Variants in TSHZ2 observed in about 807,000 individuals in gnomAD.
The protein encoded by TSHZ2 is teashirt zinc finger homeobox 2.
A neutral mutation model predicts 74.4 loss-of-function variants in TSHZ2; 21 were observed. The observed-to-expected ratio is 0.28, with a 90% CI of 0.20 to 0.41. The LOEUF is 0.41. Among genes scored for constraint, TSHZ2 ranks in the 10% least tolerant of loss-of-function variants. The pLI is 1.00. For missense variants in TSHZ2, 1,244 were observed against 1,293.5 expected, an observed-to-expected ratio of 0.96 and a Z score of 0.59; for synonymous variants, 540 against 515.3, an observed-to-expected ratio of 1.05 and a Z score of -0.65.
At chr20:52,978,204 G>A (rs1981418371) in intron 1 of TSHZ2, among the ~76,000 whole-genome samples, 1 of 152,106 alleles carries the variant, frequency 6.6e-6, no homozygotes, top group African/African-American at 2.4e-5. Flanking sequence ...GAATTGTGCT[G>A]TCCATTGAAT....
At chr20:53,239,938 T>A (rs993514351) in intron 1 of TSHZ2, among the ~76,000 whole-genome samples, 3 of 152,112 alleles carry the variant, frequency 2.0e-5, no homozygotes, top group African/African-American at 7.2e-5. Flanking sequence ...AAATTAGATA[T>A]ATTATGAAGC....
At chr20:53,139,281 G>C (rs1987329456) in intron 1 of TSHZ2, among the ~76,000 whole-genome samples, 1 of 152,164 alleles carries the variant, frequency 6.6e-6, no homozygotes, top group Admixed American at 6.5e-5. Context: ...TGCTAGTACA[G>C]GGTCTGGTTT....
At position 53,284,994 on chromosome 20, in the gene TSHZ2, A is replaced by G. The variant is rs112385715; in HGVS notation, c.*8+28423A>G. ...GTCTGTCACGAGGGCCGGCGCTGCA[A>G]TTCGGATCCAGCTCCACGTTCTGAA... On this transcript the variant is annotated intron_variant, in intron 2 of 2. Transcript: ENST00000371497. Among the ~76,000 whole-genome samples, 834 of 152,282 alleles carry G rather than the reference A, an allele frequency of 5.5e-3. 5 individuals are homozygous for G. Among genetic ancestry groups the G allele is most frequent in the African/African-American group, 0.019 (799 of 41,550 alleles).
At chr20:53,051,165 TC>T (rs1352480467) in intron 1 of TSHZ2, among the ~76,000 whole-genome samples, 2 of 151,978 alleles carry the variant, frequency 1.3e-5, no homozygotes, top group East Asian at 3.9e-4. Context: ...ATGGTGAAAC[TC>T]CGTCTCCACT....
At chr20:53,389,636 T>C (rs1982177995) in intron 2 of TSHZ2, among the ~76,000 whole-genome samples, 1 of 152,216 alleles carries the variant, frequency 6.6e-6, no homozygotes, top group South Asian at 2.1e-4. Context: ...CAGGTGGCCA[T>C]GCTCTGCTGG....
chr20:53,456,520 T>C (rs1375137418), intron 2 of TSHZ2, among the ~76,000 whole-genome samples: 2 of 119,168 alleles, frequency 1.7e-5, no homozygotes, highest in Non-Finnish European at 3.4e-5. Flanking sequence ...CTGTTCACTC[T>C]GATGGTAGTT....
At chr20:53,206,605 T>C (rs1002507690) in intron 1 of TSHZ2, 1 of 152,244 alleles carries the variant, frequency 6.6e-6, no homozygotes, top group Non-Finnish European at 1.5e-5. Context: ...GTATACCCTC[T>C]GTGAATGTAA....
In TSHZ2 at chr20:53,254,287, T is replaced by C; in HGVS notation, c.829T>C (p.Cys277Arg). 1 of 1,614,146 alleles carries C rather than the reference T, an allele frequency of 6.2e-7. No individual in the cohort carries two copies. The highest frequency in any genetic ancestry group is 8.5e-7 in the Non-Finnish European group (1 of 1,180,018). Residue 277 changes from cysteine to arginine, a missense_variant, in exon 2 of 3, where the codon TGT (cysteine) becomes CGT (arginine). Around this residue, in one of 6 missense-constraint regions of TSHZ2, gnomAD observed 470 missense variants for 456.5 expected, o/e 1.03. Coordinates refer to ENST00000371497, the MANE Select transcript of TSHZ2 (RefSeq NM_173485.6). Reference protein sequence around the residue: ...DKEDAQKVLKCMFCGDSFDSL... With the variant: ...DKEDAQKVLKRMFCGDSFDSL... ...AGAGGATGCTCAAAAGGTTCTGAAATGTATGTTTTGTGGCGACTCCTTTGA... is the reference window on the plus strand; with the variant it reads ...AGAGGATGCTCAAAAGGTTCTGAAACGTATGTTTTGTGGCGACTCCTTTGA...
chr20:53,095,958 G>A (rs1986029747), intron 1 of TSHZ2, among the ~76,000 whole-genome samples: 2 of 152,132 alleles, frequency 1.3e-5, no homozygotes, highest in South Asian at 4.1e-4. Flanking sequence ...TCAGCATTGG[G>A]TTTGAAGCCT....
intron 2 of TSHZ2, among the ~76,000 whole-genome samples, chr20:53,298,908 C>G (rs1197814354): frequency 6.6e-6 from 1 of 152,250 alleles, no homozygotes; most frequent in Middle Eastern, 3.4e-3. Context: ...GAGAAGTGCT[C>G]TGGTAAAATA....
At chr20:53,323,334 C>T (rs1044162719) in intron 2 of TSHZ2, among the ~76,000 whole-genome samples, 2 of 152,058 alleles carry the variant, frequency 1.3e-5, no homozygotes, top group Non-Finnish European at 2.9e-5. Context: ...AAGGTGACAT[C>T]GATTTGCTAT....
intron 1 of TSHZ2, among the ~76,000 whole-genome samples, chr20:53,127,840 A>T (rs6126761): frequency 6.6e-6 from 1 of 152,238 alleles, no homozygotes; most frequent in Non-Finnish European, 1.5e-5. Context: ...AGGCAGAGGC[A>T]TGATTTGAAC....
intron 2 of TSHZ2, among the ~76,000 whole-genome samples, chr20:53,425,606 T>C (rs1352355642): frequency 6.6e-6 from 1 of 152,224 alleles, no homozygotes; most frequent in Non-Finnish European, 1.5e-5. Context: ...ACTTGTTCTC[T>C]AAAGAGCCAG....
intron 1 of TSHZ2, among the ~76,000 whole-genome samples, chr20:53,193,670 G>T (rs571547077): frequency 3.5e-4 from 54 of 152,270 alleles, no homozygotes; most frequent in Non-Finnish European, 2.5e-4. Flanking sequence ...TTCAGTGCTC[G>T]TACCACAGGA....
intron 1 of TSHZ2, among the ~76,000 whole-genome samples, chr20:53,079,464 G>A (rs1258591427): frequency 2.0e-5 from 3 of 152,138 alleles, no homozygotes; most frequent in Admixed American, 6.5e-5. Flanking sequence ...CTCTCAAATC[G>A]CTGCTATGTT....
At chr20:52,979,061 A>G (rs1257968846) in intron 1 of TSHZ2, among the ~76,000 whole-genome samples, 1 of 152,202 alleles carries the variant, frequency 6.6e-6, no homozygotes, top group Non-Finnish European at 1.5e-5. Flanking sequence ...GAAGTTAGTC[A>G]TTCTAACCAC....
At chr20:53,305,879 G>A (rs1303529409) in intron 2 of TSHZ2, among the ~76,000 whole-genome samples, 2 of 151,974 alleles carry the variant, frequency 1.3e-5, no homozygotes, top group African/African-American at 4.8e-5. Context: ...CTGGGAGGCT[G>A]AGGCAGGAGA....
chr20:53,293,931 G>T (rs1991329054), intron 2 of TSHZ2, among the ~76,000 whole-genome samples: 1 of 151,984 alleles, frequency 6.6e-6, no homozygotes, highest in African/African-American at 2.4e-5. Context: ...CAGGAGAATT[G>T]CTTGAAAAAG....
chr20:53,154,837 C>T (rs16997634), intron 1 of TSHZ2, among the ~76,000 whole-genome samples: 2,125 of 152,146 alleles, frequency 0.014, 41 homozygotes, highest in African/African-American at 0.049. Flanking sequence ...TAGTATCTCC[C>T]GAATAATCAG....
Sources: allele counts gnomAD v4.1 joint callset (sites outside exome capture counted in the v4.1 genomes callset), GRCh38; gene constraint gnomAD v4.1.1; regional missense constraint gnomAD v4.1.1; transcripts MANE v1.5; gene names NCBI Gene and HGNC (gene_info 2026-07-23, HGNC 2026-07-21).